The following LGR5 variants were observed in gnomAD, a reference collection of about 807,000 sequenced individuals.
LGR5 encodes leucine-rich repeat-containing G protein-coupled receptor 5.
Under a neutral mutation model 76.7 loss-of-function variants are expected in LGR5, and 54 were observed. The observed-to-expected ratio is 0.70, with a 90% CI of 0.57 to 0.88. The LOEUF (loss-of-function observed/expected upper bound fraction) is 0.88, where lower values mean the gene tolerates loss of function less well. Among genes scored for constraint, LGR5 ranks in the 40% least tolerant of loss-of-function variants. The pLI is 0.00. For synonymous variants in LGR5, 406 were observed against 421.9 expected, an observed-to-expected ratio of 0.96 and a Z score of 0.46; for missense variants, 1,078 against 1,073.3, an observed-to-expected ratio of 1.00 and a Z score of -0.06.
chr12:71,457,751 G>A (rs369144064), intron 1 of LGR5, among the ~76,000 whole-genome samples: 6 of 152,148 alleles, frequency 3.9e-5, no homozygotes, highest in African/African-American at 1.4e-4. Flanking sequence ...TGGTCCTAAA[G>A]CATTGTTGGT....
intron 2 of LGR5, among the ~76,000 whole-genome samples, chr12:71,517,406 A>G (rs1053464915): frequency 6.6e-6 from 1 of 152,244 alleles, no homozygotes; most frequent in African/African-American, 2.4e-5. Flanking sequence ...TCCCTGCCCA[A>G]AAAAGAAAAC....
intron 4 of LGR5, among the ~76,000 whole-genome samples, chr12:71,550,530 G>A (rs1269366419): frequency 6.7e-6 from 1 of 150,114 alleles, no homozygotes; most frequent in Non-Finnish European, 1.5e-5. Context: ...GCATGATCTC[G>A]GCTCACTGCA....
intron 2 of LGR5, among the ~76,000 whole-genome samples, chr12:71,520,913 T>C (rs890445515): frequency 2.7e-5 from 4 of 150,354 alleles, no homozygotes; most frequent in Non-Finnish European, 5.9e-5. Context: ...GGAGGAAAAT[T>C]TTAAAAATGC....
Position 71,451,655 on chromosome 12 carries a change from A to G in LGR5, c.212+11363A>G, listed in dbSNP as rs368860525. Among the ~76,000 whole-genome samples the G allele has an allele frequency of 7.0e-4, 107 of 152,296 alleles. 2 individuals carry two copies. The South Asian group carries it at 0.021, about 30-fold the overall frequency. ...ATCATAGTGCTCACCACACTTGATCACCATATTTCATCTACTTGTCCGTTT... is the reference window on the plus strand; with the variant it reads ...ATCATAGTGCTCACCACACTTGATCGCCATATTTCATCTACTTGTCCGTTT... On this transcript the variant is annotated intron_variant, in intron 1 of 17. Coordinates refer to ENST00000266674, the MANE Select transcript of LGR5 (RefSeq NM_003667.4).
chr12:71,480,360 CAAAA>C (rs59288333), intron 1 of LGR5, among the ~76,000 whole-genome samples: 57 of 80,350 alleles, frequency 7.1e-4, no homozygotes, highest in African/African-American at 2.1e-3. Flanking sequence ...GACTCTGTCT[CAAAA>C]AAAAAAAAAA....
At chr12:71,569,707 G>C (rs868311363) in intron 11 of LGR5, among the ~76,000 whole-genome samples, 1 of 152,226 alleles carries the variant, frequency 6.6e-6, no homozygotes, top group Non-Finnish European at 1.5e-5. Flanking sequence ...TACACTGTTG[G>C]TGGGAATATA....
chr12:71,528,770 G>A (rs893087861), intron 3 of LGR5, among the ~76,000 whole-genome samples: 6 of 152,072 alleles, frequency 3.9e-5, no homozygotes, highest in Non-Finnish European at 5.9e-5. Flanking sequence ...TAATCTTACT[G>A]TTTTACTGCC....
chr12:71,453,798 C>T (rs1055749789), intron 1 of LGR5, among the ~76,000 whole-genome samples: 1 of 151,750 alleles, frequency 6.6e-6, no homozygotes, highest in Non-Finnish European at 1.5e-5. Flanking sequence ...GAAAATACAT[C>T]CAAAATAATC....
chr12:71,584,908 A>G lies in LGR5; in HGVS notation c.*174A>G, dbSNP rs760976962. 3.2e-6 allele frequency: 2 copies of G among 621,618 alleles called. No homozygotes were observed. Among genetic ancestry groups the G allele is most frequent in the African/African-American group, 1.8e-5 (1 of 54,334 alleles). 38.5% of individuals were successfully genotyped at this position (621,618 alleles called of 1,614,324 possible). On this transcript the variant is annotated 3_prime_UTR_variant, in exon 18 of 18. Transcript: ENST00000266674. ...AACCTCTTGATACTTGAGAGTGAAT[A>G]TAAGTCTAAATGCTGCTTTGTATAA...
intron 1 of LGR5, among the ~76,000 whole-genome samples, chr12:71,464,207 G>A (rs943541635): frequency 2.0e-5 from 3 of 152,154 alleles, no homozygotes; most frequent in Non-Finnish European, 2.9e-5. Flanking sequence ...ACTCTAAAGA[G>A]ACAGGAACTA....
intron 1 of LGR5, among the ~76,000 whole-genome samples, chr12:71,489,093 G>A (rs1012940486): frequency 6.6e-6 from 1 of 152,156 alleles, no homozygotes; most frequent in Non-Finnish European, 1.5e-5. Context: ...CACTAAGGGT[G>A]GCAATCAAAT....
At chr12:71,460,883 GTGAA>G in intron 1 of LGR5, among the ~76,000 whole-genome samples, 1 of 152,220 alleles carries the variant, frequency 6.6e-6, no homozygotes, top group Middle Eastern at 3.4e-3. Context: ...TGCAAAATAA[GTGAA>G]TGAATGAATG....
At chr12:71,506,557 C>T in intron 2 of LGR5, among the ~76,000 whole-genome samples, 1 of 152,138 alleles carries the variant, frequency 6.6e-6, no homozygotes, top group East Asian at 1.9e-4. Flanking sequence ...TAATACTTTT[C>T]TGCCTTGTCT....
At chr12:71,471,690 C>A (rs1360516709) in intron 1 of LGR5, among the ~76,000 whole-genome samples, 1 of 150,378 alleles carries the variant, frequency 6.6e-6, no homozygotes, top group Non-Finnish European at 1.5e-5. Flanking sequence ...GTTTTGAATC[C>A]TCCGCAACTT....
At chr12:71,562,890 G>A (rs1396031843) in intron 8 of LGR5, among the ~76,000 whole-genome samples, 3 of 152,148 alleles carry the variant, frequency 2.0e-5, no homozygotes, top group East Asian at 1.9e-4. Flanking sequence ...GTCCCAATTA[G>A]CCTTGACAAC....
intron 4 of LGR5, among the ~76,000 whole-genome samples, chr12:71,543,371 C>T (rs1021588243): frequency 6.6e-6 from 1 of 152,148 alleles, no homozygotes; most frequent in South Asian, 2.1e-4. Flanking sequence ...ACTGAGGACT[C>T]CCCATTCCAA....
chr12:71,569,851 A>G (rs1262656269), intron 11 of LGR5, among the ~76,000 whole-genome samples: 1 of 152,224 alleles, frequency 6.6e-6, no homozygotes, highest in African/African-American at 2.4e-5. Context: ...ATAAAGATAT[A>G]TGCCCATGTA....
At chr12:71,485,161 G>A (rs1873773139) in intron 1 of LGR5, among the ~76,000 whole-genome samples, 1 of 152,052 alleles carries the variant, frequency 6.6e-6, no homozygotes, top group African/African-American at 2.4e-5. Flanking sequence ...GAGAAAGAGA[G>A]GGAAAGTCTA....
chr12:71,480,766 G>C (rs1294572079), intron 1 of LGR5, among the ~76,000 whole-genome samples: 1 of 152,158 alleles, frequency 6.6e-6, no homozygotes, highest in Non-Finnish European at 1.5e-5. Context: ...ATCCTTTCAA[G>C]TATCAGATGC....
Sources: gnomAD v4.1 joint callset for allele counts (sites outside exome capture counted in the v4.1 genomes callset) on GRCh38, gnomAD v4.1.1 for gene constraint, MANE v1.5 for transcripts, NCBI Gene and HGNC (gene_info 2026-07-23, HGNC 2026-07-21) for gene names.